LCOR: variants seen among roughly 807,000 people sequenced by gnomAD.
The protein encoded by LCOR is ligand dependent nuclear receptor corepressor, also known as ligand-dependent corepressor.
Under a neutral mutation model 64.4 loss-of-function variants are expected in LCOR, and 14 were observed. That is an observed-to-expected ratio of 0.22 (90% CI 0.14 to 0.34). The LOEUF (loss-of-function observed/expected upper bound fraction) is 0.34, where lower values mean the gene tolerates loss of function less well. LCOR is among the 10% of genes least tolerant of loss of function. LCOR has a pLI of 1.00. For synonymous variants in LCOR, 643 were observed against 642.5 expected (o/e 1.00, Z -0.01); for missense variants, 1,686 against 1,765.3 (o/e 0.96, Z 0.80).
At chr10:96,903,352 T>C (rs1846674766) in intron 2 of LCOR, among the ~76,000 whole-genome samples, 1 of 152,216 alleles carries the variant, frequency 6.6e-6, no homozygotes, top group African/African-American at 2.4e-5. Flanking sequence ...GTTATAATTT[T>C]ATGGGACTAC....
rs188926084 is a variant in LCOR, at chr10:96,886,791, A to G, written c.-329-20474A>G. On this transcript the variant is annotated intron_variant, in intron 2 of 7. Transcript: ENST00000421806. ...ATTAGACTAGATACTGAGGTATCCT[A>G]CTGCTTACACATCTCCAGTCAAAAG... 6.2e-4 allele frequency among the ~76,000 whole-genome samples: 94 copies of G among 152,316 alleles called. 1 individual carries two copies. The East Asian group carries it at 0.015, about 24-fold the overall frequency.
At chr10:96,858,734 A>T (rs1156716423) in intron 2 of LCOR, among the ~76,000 whole-genome samples, 1 of 152,166 alleles carries the variant, frequency 6.6e-6, no homozygotes. Flanking sequence ...TTTTTAAAAT[A>T]ACTCTGGGAG....
intron 2 of LCOR, among the ~76,000 whole-genome samples, chr10:96,868,462 G>C (rs569953568): frequency 6.6e-6 from 1 of 151,360 alleles, no homozygotes; most frequent in East Asian, 2.0e-4. Flanking sequence ...TTTTAGTAGA[G>C]ACGGGGTTTC....
chr10:96,965,316 GTGT>G (rs1205298175), intron 7 of LCOR, among the ~76,000 whole-genome samples: 2 of 151,188 alleles, frequency 1.3e-5, no homozygotes, highest in Non-Finnish European at 3.0e-5. Context: ...ACTGCTAGTG[GTGT>G]TTTATATTTA....
At chr10:96,832,613 C>T (rs1349339762) in intron 1 of LCOR, among the ~76,000 whole-genome samples, 1 of 149,644 alleles carries the variant, frequency 6.7e-6, no homozygotes, top group African/African-American at 2.4e-5. Flanking sequence ...GGCCCCTCCC[C>T]TCCGCGCGCC....
chr10:96,837,580 T>C (rs181501678), intron 2 of LCOR, among the ~76,000 whole-genome samples: 92 of 152,312 alleles, frequency 6.0e-4, no homozygotes, highest in African/African-American at 2.0e-3. Context: ...AAACCACCTT[T>C]ACAGGGACAA....
At chr10:96,888,163 G>A (rs1433004085) in intron 2 of LCOR, among the ~76,000 whole-genome samples, 2 of 150,278 alleles carry the variant, frequency 1.3e-5, no homozygotes, top group African/African-American at 4.9e-5. Flanking sequence ...TTAGGAGTTC[G>A]AGACCAGCCT....
Position 96,885,215 on chromosome 10 carries a change from A to G in LCOR, c.-329-22050A>G, listed in dbSNP as rs1194408830. 2.6e-5 allele frequency among the ~76,000 whole-genome samples: 4 copies of G among 152,334 alleles called. No individual in the cohort carries two copies. The South Asian group carries it at 6.2e-4, about 24-fold the overall frequency. ...ATGCAGTGCTTTACAGTTATTTAGA[A>G]CATCACTTCTCATTTGAAAATAGTA... On this transcript the variant is annotated intron_variant, in intron 2 of 7. Coordinates refer to ENST00000421806, the MANE Select transcript of LCOR (RefSeq NM_001346516.2).
intron 2 of LCOR, among the ~76,000 whole-genome samples, chr10:96,840,917 C>T (rs182103114): frequency 5.9e-5 from 9 of 152,354 alleles, no homozygotes; most frequent in Admixed American, 2.0e-4. Flanking sequence ...GCAGGCAAGT[C>T]GCTTGAGCCC....
intron 2 of LCOR, among the ~76,000 whole-genome samples, chr10:96,866,385 C>G (rs1309489120): frequency 6.6e-6 from 1 of 152,140 alleles, no homozygotes; most frequent in Non-Finnish European, 1.5e-5. Context: ...GGCTATACCT[C>G]AGTTCGTTTA....
intron 4 of LCOR, among the ~76,000 whole-genome samples, chr10:96,928,219 C>T (rs908707954): frequency 2.6e-5 from 4 of 152,134 alleles, no homozygotes; most frequent in Admixed American, 2.0e-4. Context: ...GCATTTTACC[C>T]GTAGTAGAAC....
At position 96,970,943 on chromosome 10, in the gene LCOR, CAG is replaced by C. The variant is rs149372719; in HGVS notation, c.333-9848_333-9847del. 8.9e-3 allele frequency among the ~76,000 whole-genome samples: 1,353 copies of C among 152,210 alleles called. 10 individuals carry two copies. Among genetic ancestry groups the C allele is most frequent in the Non-Finnish European group, 0.016 (1,060 of 68,016 alleles). On this transcript the variant is annotated intron_variant, in intron 7 of 7. Transcript: ENST00000421806. ...TCTAGCCAGCATTTTAAAAAAGAAA[CAG>C]AATCAGAGTACATAGGATTATAGTA...
chr10:96,873,379 T>A (rs1846104281), intron 2 of LCOR, among the ~76,000 whole-genome samples: 1 of 152,202 alleles, frequency 6.6e-6, no homozygotes, highest in Non-Finnish European at 1.5e-5. Context: ...ATTAGTATTC[T>A]AACATTTCTT....
chr10:96,904,895 A>G (rs1009280094), intron 2 of LCOR, among the ~76,000 whole-genome samples: 7 of 152,230 alleles, frequency 4.6e-5, no homozygotes, highest in Non-Finnish European at 8.8e-5. Flanking sequence ...TGGCATTAAC[A>G]TCCAGTGAAC....
At chr10:96,847,403 G>T (rs1845648265) in intron 2 of LCOR, among the ~76,000 whole-genome samples, 1 of 147,928 alleles carries the variant, frequency 6.8e-6, no homozygotes, top group South Asian at 2.2e-4. Context: ...TTGGTCAAGA[G>T]TATTTTATTT....
intron 4 of LCOR, among the ~76,000 whole-genome samples, chr10:96,915,142 A>G (rs1589652416): frequency 2.6e-5 from 4 of 152,324 alleles, no homozygotes; most frequent in Admixed American, 2.6e-4. Context: ...CTGGCTTCGG[A>G]GACATTCTAT....
chr10:96,929,754 A>T (rs1847226069), intron 4 of LCOR, among the ~76,000 whole-genome samples: 1 of 152,224 alleles, frequency 6.6e-6, no homozygotes, highest in Non-Finnish European at 1.5e-5. Context: ...CATTTAAATC[A>T]AAAGCTCAAG....
Position 96,896,547 on chromosome 10 carries a change from C to A in LCOR, c.-329-10718C>A, listed in dbSNP as rs188201070. ...CAAGCGATTCTCCCGCCTCAGCCTC[C>A]CAAGTAGCTGGGACTACAGGCACAC... On this transcript the variant is annotated intron_variant, in intron 2 of 7. Transcript: ENST00000421806. 3.3e-3 allele frequency among the ~76,000 whole-genome samples: 501 copies of A among 152,142 alleles called. 3 individuals carry two copies. Among genetic ancestry groups the A allele is most frequent in the African/African-American group, 0.012 (480 of 41,512 alleles).
intron 2 of LCOR, among the ~76,000 whole-genome samples, chr10:96,867,651 G>A (rs1452968119): frequency 1.3e-5 from 2 of 152,014 alleles, no homozygotes; most frequent in Non-Finnish European, 2.9e-5. Context: ...CCCTTTGGGA[G>A]GCCAAGGCGG....
Sources: allele counts gnomAD v4.1 joint callset (sites outside exome capture counted in the v4.1 genomes callset), GRCh38; gene constraint gnomAD v4.1.1; transcripts MANE v1.5; gene names NCBI Gene and HGNC (gene_info 2026-07-23, HGNC 2026-07-21).